GRIN2B: variants seen among roughly 807,000 people sequenced by gnomAD.
GRIN2B encodes glutamate receptor ionotropic, NMDA 2B.
Under a neutral mutation model 114.5 loss-of-function variants are expected in GRIN2B, and 5 were observed. The observed-to-expected ratio is 0.04, with a 90% CI of 0.02 to 0.09. The LOEUF (loss-of-function observed/expected upper bound fraction) is 0.09, where lower values mean the gene tolerates loss of function less well. GRIN2B is among the 10% of genes least tolerant of loss of function. GRIN2B has a pLI of 1.00. For missense variants in GRIN2B, 1,108 were observed against 1,943.5 expected (o/e 0.57, Z 8.08); for synonymous variants, 787 against 745.1 (o/e 1.06, Z -0.92).
intron 10 of GRIN2B, among the ~76,000 whole-genome samples, chr12:13,579,989 A>G (rs1351684915): frequency 6.6e-6 from 1 of 152,204 alleles, no homozygotes; most frequent in African/African-American, 2.4e-5. Context: ...GACTCCTCCA[A>G]CCTGGTTAGC....
At chr12:13,865,707 T>C (rs1865815766) in intron 3 of GRIN2B, 91 bp downstream of exon 3, 2 of 1,046,294 alleles carry the variant, frequency 1.9e-6, no homozygotes, top group South Asian at 1.3e-5. Flanking sequence ...TTACCTTCCA[T>C]CATTAACAAT....
intron 3 of GRIN2B, among the ~76,000 whole-genome samples, chr12:13,796,733 C>T (rs990186963): frequency 3.9e-5 from 6 of 152,176 alleles, no homozygotes; most frequent in African/African-American, 9.6e-5. Flanking sequence ...CCCCTGCAGG[C>T]TTGGGAGCAT....
chr12:13,710,105 T>C (rs1229640484), intron 4 of GRIN2B, among the ~76,000 whole-genome samples: 1 of 152,018 alleles, frequency 6.6e-6, no homozygotes, highest in East Asian at 1.9e-4. Context: ...AGCATACTGT[T>C]GATAAATGCA....
intron 2 of GRIN2B, among the ~76,000 whole-genome samples, chr12:13,909,365 T>C (rs142815391): frequency 3.2e-4 from 48 of 152,344 alleles, no homozygotes; most frequent in Admixed American, 9.1e-4. Flanking sequence ...AAAAGTCTAT[T>C]GTTTATGTTG....
intron 10 of GRIN2B, among the ~76,000 whole-genome samples, chr12:13,582,796 C>T (rs1948870611): frequency 6.6e-6 from 1 of 151,698 alleles, no homozygotes; most frequent in Non-Finnish European, 1.5e-5. Flanking sequence ...CCTGCTGGAG[C>T]CGAAACAAAA....
At chr12:13,604,050 A>G (rs1043053244) in intron 10 of GRIN2B, among the ~76,000 whole-genome samples, 7 of 152,102 alleles carry the variant, frequency 4.6e-5, no homozygotes, top group Non-Finnish European at 7.4e-5. Context: ...CCTTCATACT[A>G]TGGTTGGCAG....
At chr12:13,884,213 T>C (rs74970284) in intron 2 of GRIN2B, among the ~76,000 whole-genome samples, 1,782 of 152,104 alleles carry the variant, frequency 0.012, 10 homozygotes, top group Non-Finnish European at 0.018. Flanking sequence ...GTTTTGCCTT[T>C]TTGGTTTTGC....
chr12:13,572,816 A>AAACTC (rs1487371956), intron 10 of GRIN2B, among the ~76,000 whole-genome samples: 1 of 152,216 alleles, frequency 6.6e-6, no homozygotes, highest in Non-Finnish European at 1.5e-5. Flanking sequence ...TTTCAAAATA[A>AAACTC]AACTCAAAAC....
At chr12:13,874,248 A>C (rs1308573166) in intron 2 of GRIN2B, among the ~76,000 whole-genome samples, 1 of 152,200 alleles carries the variant, frequency 6.6e-6, no homozygotes, top group East Asian at 1.9e-4. Context: ...TCCTTACAGC[A>C]CTTCCAGTGG....
chr12:13,748,245 C>T (rs1277654158), intron 4 of GRIN2B, among the ~76,000 whole-genome samples: 1 of 152,184 alleles, frequency 6.6e-6, no homozygotes, highest in African/African-American at 2.4e-5. Flanking sequence ...ATCCATCTAT[C>T]TCAAATAGCA....
intron 3 of GRIN2B, among the ~76,000 whole-genome samples, chr12:13,823,818 A>T (rs1204883305): frequency 6.6e-6 from 1 of 152,100 alleles, no homozygotes; most frequent in East Asian, 1.9e-4. Flanking sequence ...CAGGTTGAGG[A>T]GGATGTTCTA....
At chr12:13,855,959 A>G (rs972614713) in intron 3 of GRIN2B, among the ~76,000 whole-genome samples, 1 of 152,242 alleles carries the variant, frequency 6.6e-6, no homozygotes, top group Non-Finnish European at 1.5e-5. Context: ...ACTAAAGCAT[A>G]GCCCTGGCCC....
At position 13,807,709 on chromosome 12, in the gene GRIN2B, CTTTTTTT is replaced by C. The variant is rs71067726; in HGVS notation, c.412-53801_412-53795del. Among the ~76,000 whole-genome samples the C allele has an allele frequency of 6.0e-3, 462 of 77,426 alleles. 3 individuals carry two copies. The highest frequency in any genetic ancestry group is 0.014 in the African/African-American group (294 of 20,668). The allele number at this position is 77,426 out of a possible 152,430, so 50.8% of individuals were successfully genotyped here. ...AAGCAGACGTTTATTAAGCAGAAGG[CTTTTTTT>C]TTTTTTTTTTTTTTTTTTTGTAGTC... On this transcript the variant is annotated intron_variant, in intron 3 of 13. Transcript: ENST00000609686.
At chr12:13,664,978 A>T (rs959363939) in intron 5 of GRIN2B, among the ~76,000 whole-genome samples, 1 of 152,174 alleles carries the variant, frequency 6.6e-6, no homozygotes, top group Non-Finnish European at 1.5e-5. Context: ...AAAGCTTTTA[A>T]TTCAGAAGAT....
intron 3 of GRIN2B, among the ~76,000 whole-genome samples, chr12:13,785,655 A>G (rs112076263): frequency 2.0e-5 from 3 of 152,372 alleles, no homozygotes; most frequent in Admixed American, 1.3e-4. Context: ...AAAGAATGTA[A>G]TAACACCAAC....
At chr12:13,607,222 AAATATAT>A (rs1239131570) in intron 10 of GRIN2B, among the ~76,000 whole-genome samples, 6 of 102,824 alleles carry the variant, frequency 5.8e-5, no homozygotes, top group South Asian at 2.4e-4. Flanking sequence ...AATATATATA[AAATATAT>A]AATATATATT....
At chr12:13,978,505 T>A (rs1340608783) in intron 2 of GRIN2B, among the ~76,000 whole-genome samples, 3 of 152,230 alleles carry the variant, frequency 2.0e-5, no homozygotes, top group Admixed American at 2.0e-4. Flanking sequence ...TCATCTACTG[T>A]CATGTTGAGC....
chr12:13,683,780 A>T (rs769403822), intron 4 of GRIN2B: 2 of 152,214 alleles, frequency 1.3e-5, no homozygotes, highest in Non-Finnish European at 2.9e-5. Context: ...CAAGCTCTCA[A>T]CATATATAAA....
At chr12:13,635,737 G>A (rs1479053734) in intron 5 of GRIN2B, among the ~76,000 whole-genome samples, 1 of 152,178 alleles carries the variant, frequency 6.6e-6, no homozygotes, top group Non-Finnish European at 1.5e-5. Flanking sequence ...GAAGAAATGA[G>A]TGTGTATTGG....
Sources: allele counts gnomAD v4.1 joint callset (sites outside exome capture counted in the v4.1 genomes callset), GRCh38; gene constraint gnomAD v4.1.1; transcripts MANE v1.5; gene names NCBI Gene and HGNC (gene_info 2026-07-23, HGNC 2026-07-21).